NHSL2: variants seen among roughly 807,000 people sequenced by gnomAD.
NHSL2 encodes NHS like 2.
In NHSL2, 27 loss-of-function variants were observed where a neutral mutation model predicts 53.4. The observed-to-expected ratio is 0.51, with a 90% CI of 0.37 to 0.70. The LOEUF (loss-of-function observed/expected upper bound fraction) is 0.70. Among genes scored for constraint, NHSL2 ranks in the 30% least tolerant of loss-of-function variants. The pLI, the probability that NHSL2 is intolerant of heterozygous loss-of-function variation, is 0.00. For missense variants in NHSL2, 892 were observed against 980.1 expected (o/e 0.91, Z 1.20); for synonymous variants, 408 against 404.1 (o/e 1.01, Z -0.12).
At chrX:72,113,381 T>C (rs1341149360) in intron 1 of NHSL2, among the ~76,000 whole-genome samples, 3 of 111,257 alleles carry the variant, frequency 2.7e-5, no homozygotes, top group Admixed American at 9.5e-5. Flanking sequence ...TGCTGAACCC[T>C]GCTGTTGTGC....
intron 1 of NHSL2, among the ~76,000 whole-genome samples, chrX:72,079,609 C>T (rs1370215666): frequency 1.8e-5 from 2 of 112,490 alleles, no homozygotes; most frequent in Non-Finnish European, 3.8e-5. Context: ...TGCATCCAGC[C>T]GTAGTTCACA....
At chrX:72,137,298 A>C (rs2042364648) in intron 5 of NHSL2, 73 bp downstream of exon 5, 1 of 1,008,428 alleles carries the variant, frequency 9.9e-7, no homozygotes, top group African/African-American at 1.9e-5. Flanking sequence ...CCCAGGTGGT[A>C]CTGTGGTGAT....
chrX:71,996,295 T>C (rs978618369), intron 1 of NHSL2, among the ~76,000 whole-genome samples: 4 of 112,507 alleles, frequency 3.6e-5, no homozygotes, highest in Non-Finnish European at 7.5e-5. Flanking sequence ...TCACCCCACA[T>C]CTATAAACAT....
Position 71,911,046 on chromosome X carries a change from G to C in NHSL2, c.-42G>C. On this transcript the variant is annotated 5_prime_UTR_variant, in exon 1 of 8. Transcript: ENST00000633930. Reference sequence around the variant, plus strand: ...GGGCGCTGCTCGGGGTGAGCCCGCCGCGCCGCCAGACTGGTCCCCTGCGCC... The same window carrying C: ...GGGCGCTGCTCGGGGTGAGCCCGCCCCGCCGCCAGACTGGTCCCCTGCGCC... The C allele has an allele frequency of 2.1e-6, 2 of 963,896 alleles. No individual in the cohort carries two copies. Among genetic ancestry groups the C allele is most frequent in the Non-Finnish European group, 2.6e-6 (2 of 769,734 alleles). 79.4% of individuals were successfully genotyped at this position (963,896 alleles called of 1,213,427 possible).
chrX:71,994,711 G>A (rs2042042333), intron 1 of NHSL2, among the ~76,000 whole-genome samples: 1 of 111,789 alleles, frequency 8.9e-6, no homozygotes, highest in South Asian at 3.7e-4. Flanking sequence ...TTGGAGCTGG[G>A]GAGTGATGAG....
chrX:71,923,989 G>A (rs1279315422), intron 1 of NHSL2, among the ~76,000 whole-genome samples: 2 of 112,093 alleles, frequency 1.8e-5, no homozygotes, highest in Non-Finnish European at 3.8e-5. Flanking sequence ...CTTTAATAAA[G>A]GAAAGCAGTT....
intron 1 of NHSL2, among the ~76,000 whole-genome samples, chrX:71,949,683 C>T (rs955871890): frequency 1.8e-5 from 2 of 112,601 alleles, no homozygotes; most frequent in Admixed American, 1.9e-4. Context: ...CCCAACTCCC[C>T]GTCTGACTTT....
intron 1 of NHSL2, among the ~76,000 whole-genome samples, chrX:72,009,259 C>A (rs779120474): frequency 8.9e-6 from 1 of 112,590 alleles, no homozygotes; most frequent in Non-Finnish European, 1.9e-5. Flanking sequence ...AGAGGGATGC[C>A]GCCAACTCAT....
At chrX:72,078,126 G>A (rs1439762248) in intron 1 of NHSL2, among the ~76,000 whole-genome samples, 1 of 112,973 alleles carries the variant, frequency 8.9e-6, no homozygotes, top group Non-Finnish European at 1.9e-5. Flanking sequence ...TAAGTGACAT[G>A]CCCAAGGGCA....
At chrX:71,969,865 G>A (rs2041918045) in intron 1 of NHSL2, among the ~76,000 whole-genome samples, 1 of 111,879 alleles carries the variant, frequency 8.9e-6, no homozygotes, top group African/African-American at 3.3e-5. Flanking sequence ...TTAGGGAAAA[G>A]CTTTCTGTTT....
rs368362491 is a variant in NHSL2 at position 72,139,327 on chromosome X, C to T, written c.1779C>T (p.Pro593=). The T allele has an allele frequency of 8.3e-7, 1 of 1,210,057 alleles. No individual in the cohort carries two copies. Among genetic ancestry groups the T allele is most frequent in the South Asian group, 1.8e-5 (1 of 56,658 alleles). The change falls in exon 6 of 8, where the codon CCC becomes CCT. Residue 593 remains proline (P), a synonymous_variant. Coordinates refer to ENST00000633930, the MANE Select transcript of NHSL2 (RefSeq NM_001013627.3). ...TGCCTGAAGGTGGGTCAGCACTACCCAAGGACCAGAGGCCCAAGAGCCTTT... is the reference window on the plus strand; with the variant it reads ...TGCCTGAAGGTGGGTCAGCACTACCTAAGGACCAGAGGCCCAAGAGCCTTT... ...GLLPEGGSAL[P]KDQRPKSLCL... is the part of the protein sequence containing the mutation.
intron 1 of NHSL2, among the ~76,000 whole-genome samples, chrX:72,021,060 TACACAC>T (rs68122154): frequency 0.025 from 2,699 of 106,797 alleles, 81 homozygotes; most frequent in African/African-American, 0.088. Flanking sequence ...CGCGTGCGCA[TACACAC>T]ACACACACAC....
chrX:71,912,695 G>T (rs1229807867), intron 1 of NHSL2, among the ~76,000 whole-genome samples: 3 of 112,339 alleles, frequency 2.7e-5, no homozygotes, highest in African/African-American at 9.7e-5. Flanking sequence ...GAATGTAGAC[G>T]TTGGACCAGG....
chrX:72,063,723 G>A (rs1465983567), intron 1 of NHSL2, among the ~76,000 whole-genome samples: 1 of 111,181 alleles, frequency 9.0e-6, no homozygotes, highest in Non-Finnish European at 1.9e-5. Context: ...ATAAATATGT[G>A]ACTGTTAAAC....
chrX:71,958,101 G>A (rs2041851203), intron 1 of NHSL2, among the ~76,000 whole-genome samples: 1 of 110,216 alleles, frequency 9.1e-6, no homozygotes, highest in Admixed American at 9.6e-5. Context: ...TGGGGGTGGG[G>A]AGTCAAGGCA....
At chrX:72,018,200 G>C (rs1386255454) in intron 1 of NHSL2, among the ~76,000 whole-genome samples, 1 of 111,529 alleles carries the variant, frequency 9.0e-6, no homozygotes, top group East Asian at 2.8e-4. Flanking sequence ...TTGCTTGTGT[G>C]GGGGTGAGGA....
intron 1 of NHSL2, among the ~76,000 whole-genome samples, chrX:71,941,082 G>A (rs1210837059): frequency 1.8e-5 from 2 of 111,936 alleles, no homozygotes; most frequent in Non-Finnish European, 3.8e-5. Flanking sequence ...TGATTCAGAA[G>A]CTTCTGTTTC....
chrX:72,083,820 G>A lies in NHSL2; in HGVS notation c.281-48259G>A, dbSNP rs191832516. ...AAAACTTGGGGAACACTGGAATGTG[G>A]CATTCACTCAGCAGGTGTTTTCTGA... On this transcript the variant is annotated intron_variant, in intron 1 of 7. Transcript: ENST00000633930. Among the ~76,000 whole-genome samples, 161 of 112,147 alleles carry A rather than the reference G, an allele frequency of 1.4e-3. 1 individual carries two copies. The highest frequency in any genetic ancestry group is 4.5e-4 in the Non-Finnish European group (24 of 53,234).
At chrX:72,134,320 A>G in intron 3 of NHSL2, 102 bp downstream of exon 3, 1 of 951,807 alleles carries the variant, frequency 1.1e-6, no homozygotes, top group African/African-American at 1.9e-5. Flanking sequence ...AGCCCTGCTC[A>G]CCAGCAGAGC....
Sources: gnomAD v4.1 joint callset for allele counts (sites outside exome capture counted in the v4.1 genomes callset) on GRCh38, gnomAD v4.1.1 for gene constraint, MANE v1.5 for transcripts, NCBI Gene and HGNC (gene_info 2026-07-23, HGNC 2026-07-21) for gene names.